Variants in CS observed in about 807,000 individuals in gnomAD.
The protein encoded by CS is citrate synthase, mitochondrial.
CS carries 13 observed loss-of-function variants against 61.4 expected under a neutral mutation model. That is an observed-to-expected ratio of 0.21 (90% CI 0.14 to 0.34). The LOEUF (loss-of-function observed/expected upper bound fraction) is 0.34, where lower values mean the gene tolerates loss of function less well. Among genes scored for constraint, CS ranks in the 10% least tolerant of loss-of-function variants. CS has a pLI of 1.00. For missense variants in CS, 278 were observed against 573.4 expected (o/e 0.48, Z 5.26); for synonymous variants, 159 against 215.2 (o/e 0.74, Z 2.29).
intron 1 of CS, among the ~76,000 whole-genome samples, chr12:56,289,970 T>C (rs1873065562): frequency 6.6e-6 from 1 of 152,002 alleles, no homozygotes; most frequent in Non-Finnish European, 1.5e-5. Context: ...CTTGGCTCAC[T>C]GCAACCTCCG....
chr12:56,294,969 T>A (rs1873249569), intron 1 of CS, among the ~76,000 whole-genome samples: 1 of 152,042 alleles, frequency 6.6e-6, no homozygotes, highest in Admixed American at 6.6e-5. Flanking sequence ...TTTCACCATG[T>A]TGGCCAGGCT....
At chr12:56,273,380 T>C in intron 10 of CS, 126 bp from the exon 11 acceptor site, 2 of 1,083,886 alleles carry the variant, frequency 1.8e-6, no homozygotes, top group Middle Eastern at 2.1e-4. Flanking sequence ...CAGTCAACCT[T>C]AAATAGAAAT....
chr12:56,298,856 A>G (rs949981726), intron 1 of CS, among the ~76,000 whole-genome samples: 1 of 152,120 alleles, frequency 6.6e-6, no homozygotes, highest in Non-Finnish European at 1.5e-5. Flanking sequence ...CCTGGGCAAC[A>G]TAAGGAGACG....
chr12:56,286,233 G>A, intron 2 of CS: 2 of 569,286 alleles, frequency 3.5e-6, no homozygotes, highest in South Asian at 2.2e-5. Context: ...TTCTCGGTTT[G>A]GGCAGACAAA....
chr12:56,286,723 T>C (rs1036368223), intron 1 of CS, 78 bp from the exon 2 acceptor site: 28 of 1,226,740 alleles, frequency 2.3e-5, no homozygotes, highest in Non-Finnish European at 3.2e-5. Context: ...TTACAGTGAC[T>C]CAACCTCTCT....
intron 1 of CS, among the ~76,000 whole-genome samples, chr12:56,287,073 C>G (rs576198562): frequency 1.3e-5 from 2 of 152,186 alleles, no homozygotes; most frequent in South Asian, 2.1e-4. Flanking sequence ...CCTTTCATAA[C>G]GGTACTTCTG....
At chr12:56,283,643 C>T in intron 4 of CS, 149 bp downstream of exon 4, 2 of 592,494 alleles carry the variant, frequency 3.4e-6, no homozygotes, top group Admixed American at 3.1e-5. Context: ...TAAATTTGTT[C>T]TTCAATTATT....
intron 6 of CS, among the ~76,000 whole-genome samples, chr12:56,281,125 G>T (rs773397985): frequency 3.3e-5 from 5 of 152,100 alleles, no homozygotes; most frequent in Non-Finnish European, 7.4e-5. Flanking sequence ...GCACCTCCTG[G>T]CCAAAAATCA....
intron 1 of CS, among the ~76,000 whole-genome samples, chr12:56,289,593 G>A (rs997397045): frequency 1.3e-4 from 19 of 151,890 alleles, no homozygotes; most frequent in African/African-American, 4.4e-4. Context: ...ACAGGCACCC[G>A]CCACCACGCC....
rs1872535089 is a variant in CS, at chr12:56,272,187, T to C, written c.*897A>G. The C allele has an allele frequency of 2.2e-4, 58 of 268,600 alleles. No individual in the cohort carries two copies. Among genetic ancestry groups the C allele is most frequent in the South Asian group, 2.0e-3 (58 of 29,034 alleles). 16.6% of individuals were successfully genotyped at this position (268,600 alleles called of 1,614,324 possible). On this transcript the variant is annotated 3_prime_UTR_variant, in exon 11 of 11. Coordinates refer to ENST00000351328, the MANE Select transcript of CS (RefSeq NM_004077.3). ...AAATATCATGCTGGTCATTCCGGAG[T>C]TCTATGCCCCACAGCATATTAAAAG...
At chr12:56,298,945 A>G (rs1168230837) in intron 1 of CS, among the ~76,000 whole-genome samples, 1 of 151,930 alleles carries the variant, frequency 6.6e-6, no homozygotes. Flanking sequence ...GGGAAGCTGA[A>G]GTGGGAGGAT....
At chr12:56,291,385 A>G in intron 1 of CS, 1 of 634,884 alleles carries the variant, frequency 1.6e-6, no homozygotes, top group South Asian at 5.1e-5. Flanking sequence ...CAAGGAAAAG[A>G]TACCAGTTTT....
At chr12:56,299,951 G>A (rs540336480) in intron 1 of CS, 60 of 509,766 alleles carry the variant, frequency 1.2e-4, no homozygotes, top group African/African-American at 9.6e-4. Flanking sequence ...GGCCGAGGGC[G>A]GGCGGCGTGC....
rs752509476 is a variant in CS, at chr12:56,286,596, G to A, written c.92C>T (p.Thr31Met). The change falls in exon 2 of 11, where the codon ACG becomes ATG. Residue 31 changes from threonine to methionine, a missense_variant and splice_region_variant. Around this residue, in one of 2 missense-constraint regions of CS, gnomAD observed 55 missense variants for 69.9 expected, o/e 0.79. Coordinates refer to ENST00000351328, the MANE Select transcript of CS (RefSeq NM_004077.3). ...TTAGTCTTCTTTTCCAAACCTTACC[G>A]TGGAGGAAGCACTGGCATGCCGGGC... ...LAARHASASS[T>M]NLKDILADLI... 17 of 1,613,802 alleles carry A rather than the reference G, an allele frequency of 1.1e-5. No homozygotes were observed. Among genetic ancestry groups the A allele is most frequent in the African/African-American group, 9.3e-5 (7 of 74,916 alleles).
chr12:56,295,992 C>T (rs938903889), intron 1 of CS, among the ~76,000 whole-genome samples: 1 of 121,082 alleles, frequency 8.3e-6, no homozygotes, highest in Non-Finnish European at 1.7e-5. Context: ...GAAGTTCTTA[C>T]AAGTTTTAAC....
At chr12:56,290,564 A>C (rs1377040666) in intron 1 of CS, among the ~76,000 whole-genome samples, 1 of 152,176 alleles carries the variant, frequency 6.6e-6, no homozygotes, top group Non-Finnish European at 1.5e-5. Context: ...TTTTTTGCTA[A>C]ACCTGAAGCT....
intron 9 of CS, 189 bp from the exon 10 acceptor site, chr12:56,273,985 C>A: frequency 1.7e-6 from 1 of 572,804 alleles, no homozygotes; most frequent in Non-Finnish European, 3.1e-6. Context: ...AGGTGCACAC[C>A]AACACATCTG....
At chr12:56,285,603 T>C (rs138818363) in intron 3 of CS, among the ~76,000 whole-genome samples, 1 of 152,316 alleles carries the variant, frequency 6.6e-6, no homozygotes, top group African/African-American at 2.4e-5. Flanking sequence ...TTCCTTTTCT[T>C]ATTGTATTTC....
At chr12:56,286,188 G>C (rs936918953) in intron 2 of CS, 165 bp from the exon 3 acceptor site, 7 of 605,882 alleles carry the variant, frequency 1.2e-5, no homozygotes, top group Non-Finnish European at 2.0e-5. Flanking sequence ...GCAGGGGGAA[G>C]AAGGAATGAG....
Sources: allele counts gnomAD v4.1 joint callset (sites outside exome capture counted in the v4.1 genomes callset), GRCh38; gene constraint gnomAD v4.1.1; regional missense constraint gnomAD v4.1.1; transcripts MANE v1.5; gene names NCBI Gene and HGNC (gene_info 2026-07-23, HGNC 2026-07-21).